The following MED26 variants were observed in gnomAD, a reference collection of about 807,000 sequenced individuals.
The protein encoded by MED26 is mediator of RNA polymerase II transcription subunit 26.
A neutral mutation model predicts 43.7 loss-of-function variants in MED26; 7 were observed. The ratio of observed to expected loss-of-function variants is 0.16; its 90% CI spans 0.09 to 0.30. The LOEUF (loss-of-function observed/expected upper bound fraction) is 0.30. Among genes scored for constraint, MED26 ranks in the 10% least tolerant of loss-of-function variants. The probability of loss-of-function intolerance (pLI) is 1.00; values close to 1 mark genes in which losing one functional copy is unlikely to be tolerated. For synonymous variants in MED26, 375 were observed against 371.1 expected (o/e 1.01, Z -0.12); for missense variants, 784 against 840.6 (o/e 0.93, Z 0.83).
chr19:16,607,893 C>T (rs539915233), intron 1 of MED26, among the ~76,000 whole-genome samples: 1 of 152,350 alleles, frequency 6.6e-6, no homozygotes, highest in Admixed American at 6.5e-5. Flanking sequence ...GCTGGCTCCT[C>T]GTGAGCCAAT....
intron 1 of MED26, among the ~76,000 whole-genome samples, chr19:16,617,303 G>A (rs373902776): frequency 6.6e-6 from 1 of 152,170 alleles, no homozygotes; most frequent in East Asian, 1.9e-4. Context: ...CAGGGCTGCA[G>A]CAGCCTGGGG....
Position 16,586,023 on chromosome 19 carries a change from C to A in MED26, c.73-7614G>T, listed in dbSNP as rs1271897090. Among the ~76,000 whole-genome samples, 1 of 152,252 alleles carries A rather than the reference C, an allele frequency of 6.6e-6. No homozygotes were observed. The highest frequency in any genetic ancestry group is 1.5e-5 in the Non-Finnish European group (1 of 68,044). ...GAGACTGAGTTTTGAGTCCCAGCAG[C>A]CCCTTGGCTTGCCTCTCCATTTTCT... On this transcript the variant is annotated intron_variant, in intron 1 of 2. Coordinates refer to ENST00000263390, the MANE Select transcript of MED26 (RefSeq NM_004831.5). This position sits in a 1 kb window ranked among gnomAD's most constrained non-coding sequence, Gnocchi z 5.1.
intron 1 of MED26, among the ~76,000 whole-genome samples, chr19:16,596,560 C>G (rs1165192624): frequency 2.0e-5 from 3 of 152,222 alleles, no homozygotes; most frequent in African/African-American, 7.2e-5. Context: ...AGCTCTAACT[C>G]AGACAGGCAT....
At position 16,577,146 on chromosome 19, in the gene MED26, C is replaced by T. The variant is rs769834820; in HGVS notation, c.684G>A (p.Pro228=). The change falls in exon 3 of 3, where the codon CCG becomes CCA. Residue 228 remains proline, a synonymous_variant. Transcript: ENST00000263390. The surrounding 1 kb of genome is among the most constrained non-coding windows in gnomAD (Gnocchi z 8.1). ...SGKIPVNAVR[P]HTSSPGLGKP... ...TGCCCAGGCCCGGGGAGCTGGTGTG[C>T]GGTCGCACGGCGTTGACGGGGATCT... 2.1e-5 allele frequency: 34 copies of T among 1,613,260 alleles called. No individual in the cohort carries two copies. The South Asian group carries it at 2.4e-4, about 11-fold the overall frequency.
chr19:16,623,388 T>C (rs2122461648), intron 1 of MED26, among the ~76,000 whole-genome samples: 2 of 152,342 alleles, frequency 1.3e-5, no homozygotes, highest in Non-Finnish European at 2.9e-5. Context: ...AGGGTCAGAA[T>C]CAAGAGTCCT....
intron 1 of MED26, among the ~76,000 whole-genome samples, chr19:16,608,027 G>C (rs1167486821): frequency 1.3e-5 from 2 of 152,274 alleles, no homozygotes; most frequent in Admixed American, 1.3e-4. Context: ...CGGCAAGCAG[G>C]CCAAGGGGCA....
rs2086075860 is a variant in MED26 at position 16,587,326 on chromosome 19, C to G, written c.73-8917G>C. The G allele has an allele frequency of 1.3e-5, 2 of 152,274 alleles. No homozygotes were observed. The highest frequency in any genetic ancestry group is 2.9e-5 in the Non-Finnish European group (2 of 68,180). 9.4% of individuals were successfully genotyped at this position (152,274 alleles called of 1,614,324 possible). A position where few individuals can be genotyped will look rare whatever the true frequency, so the allele number is the denominator to read the frequency against. On this transcript the variant is annotated intron_variant, in intron 1 of 2. Transcript: ENST00000263390. This position sits in a 1 kb window ranked among gnomAD's most constrained non-coding sequence, Gnocchi z 4.9. ...AGGCGGCACCTGCATCCCCACCCCACCTCCACCCCAAGACCCCAGCTCTGC... is the reference window on the plus strand; with the variant it reads ...AGGCGGCACCTGCATCCCCACCCCAGCTCCACCCCAAGACCCCAGCTCTGC...
chr19:16,602,678 G>A (rs559354626), intron 1 of MED26, among the ~76,000 whole-genome samples: 113 of 152,304 alleles, frequency 7.4e-4, no homozygotes, highest in African/African-American at 2.7e-3. Context: ...AAAAGGAAGG[G>A]AATCCTGACA....
intron 1 of MED26, among the ~76,000 whole-genome samples, chr19:16,616,567 G>A (rs1476014012): frequency 6.6e-6 from 1 of 152,152 alleles, no homozygotes; most frequent in Non-Finnish European, 1.5e-5. Flanking sequence ...GGTCTACAGA[G>A]CAGTAGATCA....
chr19:16,602,109 C>T (rs755987929), intron 1 of MED26, among the ~76,000 whole-genome samples: 6 of 152,192 alleles, frequency 3.9e-5, no homozygotes, highest in Non-Finnish European at 7.3e-5. Flanking sequence ...GTCCTACTGA[C>T]GTGCACCTGC....
intron 1 of MED26, among the ~76,000 whole-genome samples, chr19:16,626,298 A>G (rs1343675878): frequency 1.3e-5 from 2 of 152,236 alleles, no homozygotes; most frequent in Non-Finnish European, 2.9e-5. Flanking sequence ...CAAAAGATGC[A>G]CAAGTCACCA....
chr19:16,575,785 C>G lies in MED26; in HGVS notation c.*242G>C, dbSNP rs1038399383. 7.4e-6 allele frequency: 4 copies of G among 540,104 alleles called. No homozygotes were observed. The highest frequency in any genetic ancestry group is 6.7e-6 in the Non-Finnish European group (2 of 299,950). The allele number at this position is 540,104 out of a possible 1,614,324, so 33.5% of individuals were successfully genotyped here. A position where few individuals can be genotyped will look rare whatever the true frequency, so the allele number is the denominator to read the frequency against. ...AGAGTTCTGAACTCACTTTGCCGTC[C>G]TTCCTTCCACGCGGTCCTTCTTCGC... On this transcript the variant is annotated 3_prime_UTR_variant, in exon 3 of 3. Coordinates refer to ENST00000263390, the MANE Select transcript of MED26 (RefSeq NM_004831.5).
chr19:16,626,940 A>AACACAC (rs147106610), intron 1 of MED26, among the ~76,000 whole-genome samples: 50 of 88,392 alleles, frequency 5.7e-4, no homozygotes, highest in African/African-American at 1.9e-3. Flanking sequence ...CCCCCGCAAC[A>AACACAC]ACACACACAC....
At chr19:16,591,731 T>C (rs2086098561) in intron 1 of MED26, among the ~76,000 whole-genome samples, 1 of 152,182 alleles carries the variant, frequency 6.6e-6, no homozygotes, top group Admixed American at 6.5e-5. Context: ...CCCCAAAACA[T>C]GGTGCAAGCA....
At chr19:16,599,601 A>C (rs189366007) in intron 1 of MED26, among the ~76,000 whole-genome samples, 1 of 152,284 alleles carries the variant, frequency 6.6e-6, no homozygotes, top group Non-Finnish European at 1.5e-5. Flanking sequence ...AGAAGCCCTA[A>C]GGCTCTGATG....
At position 16,577,011 on chromosome 19, in the gene MED26, G is replaced by A. The variant is rs764140705; in HGVS notation, c.819C>T (p.Phe273=). The A allele has an allele frequency of 1.9e-6, 3 of 1,608,176 alleles. No homozygotes were observed. The highest frequency in any genetic ancestry group is 1.3e-5 in the African/African-American group (1 of 74,840). ...CCTCATGCCGTGAGTTCCGAGGACT[G>A]AAAGAGCAGCGAGGGGGTCCCTTGG... ...PHPKGPPRCS[F]SPRNSRHEGS... Residue 273 remains phenylalanine, a synonymous_variant, in exon 3 of 3, where the codon TTC becomes TTT. Coordinates refer to ENST00000263390, the MANE Select transcript of MED26 (RefSeq NM_004831.5). This position sits in a 1 kb window ranked among gnomAD's most constrained non-coding sequence, Gnocchi z 8.1.
At chr19:16,602,744 C>T (rs73516931) in intron 1 of MED26, among the ~76,000 whole-genome samples, 5,525 of 152,230 alleles carry the variant, frequency 0.036, 238 homozygotes, top group Admixed American at 0.088. Context: ...AGAAGCCAGT[C>T]GCATGAACAC....
intron 1 of MED26, chr19:16,612,043 G>C (rs898924387): frequency 6.6e-6 from 1 of 152,174 alleles, no homozygotes; most frequent in African/African-American, 2.4e-5. Flanking sequence ...TAGTTTCCAA[G>C]AGGGTGACAG....
At chr19:16,616,646 T>C (rs531812975) in intron 1 of MED26, among the ~76,000 whole-genome samples, 1 of 152,070 alleles carries the variant, frequency 6.6e-6, no homozygotes, top group South Asian at 2.1e-4. Context: ...CACTTTGGAG[T>C]GGGCTGTCTA....
Sources: gnomAD v4.1 joint callset for allele counts (sites outside exome capture counted in the v4.1 genomes callset) on GRCh38, gnomAD v4.1.1 for gene constraint, Gnocchi (gnomAD v3.1) non-coding constraint, MANE v1.5 for transcripts, NCBI Gene and HGNC (gene_info 2026-07-23, HGNC 2026-07-21) for gene names.